Variants in DGKB observed in about 807,000 individuals in gnomAD.
DGKB encodes the protein 90 kDa diacylglycerol kinase.
Under a neutral mutation model 114.3 loss-of-function variants are expected in DGKB, and 67 were observed. The observed-to-expected ratio is 0.59, with a 90% confidence interval of 0.48 to 0.72. DGKB has a LOEUF of 0.72. Among genes scored for constraint, DGKB ranks in the 30% least tolerant of loss-of-function variants. DGKB has a pLI of 0.00. For synonymous variants in DGKB, 398 were observed against 323.1 expected, an observed-to-expected ratio of 1.23 and a Z score of -2.49; for missense variants, 907 against 975.2, an observed-to-expected ratio of 0.93 and a Z score of 0.93.
intron 19 of DGKB, among the ~76,000 whole-genome samples, chr7:14,575,652 C>A (rs1162136351): frequency 6.6e-6 from 1 of 152,060 alleles, no homozygotes; most frequent in Non-Finnish European, 1.5e-5. Context: ...ATGATGATAC[C>A]ATCAGAATTT....
At chr7:14,680,086 G>T (rs1455237832) in intron 12 of DGKB, among the ~76,000 whole-genome samples, 4 of 151,850 alleles carry the variant, frequency 2.6e-5, no homozygotes, top group African/African-American at 7.3e-5. Context: ...TAAGGCTGAG[G>T]ATGGATAAAA....
At chr7:14,593,725 C>A (rs1490894005) in intron 17 of DGKB, among the ~76,000 whole-genome samples, 2 of 151,580 alleles carry the variant, frequency 1.3e-5, no homozygotes, top group African/African-American at 4.8e-5. Flanking sequence ...TTAGACTGAG[C>A]TTCTGCACTA....
intron 20 of DGKB, among the ~76,000 whole-genome samples, chr7:14,516,513 C>T (rs1788818475): frequency 6.6e-6 from 1 of 152,170 alleles, no homozygotes; most frequent in Non-Finnish European, 1.5e-5. Flanking sequence ...GGTTCAGAGG[C>T]ACACTGAAGA....
At chr7:14,268,586 CA>C (rs1451244131) in intron 23 of DGKB, among the ~76,000 whole-genome samples, 1 of 152,024 alleles carries the variant, frequency 6.6e-6, no homozygotes, top group Non-Finnish European at 1.5e-5. Flanking sequence ...GAGATTAGTG[CA>C]ATTTAAGAAA....
chr7:14,728,470 T>C (rs1197979266), intron 5 of DGKB, among the ~76,000 whole-genome samples: 1 of 152,098 alleles, frequency 6.6e-6, no homozygotes, highest in Admixed American at 6.6e-5. Context: ...CTCTCAGTGC[T>C]CCTAACAAGT....
intron 17 of DGKB, among the ~76,000 whole-genome samples, chr7:14,599,439 T>C (rs1563638776): frequency 6.6e-6 from 1 of 152,174 alleles, no homozygotes; most frequent in Non-Finnish European, 1.5e-5. Context: ...TATTTTCCAA[T>C]CATTATGCTT....
At chr7:14,842,579 A>T (rs887980334) in intron 1 of DGKB, among the ~76,000 whole-genome samples, 1 of 152,190 alleles carries the variant, frequency 6.6e-6, no homozygotes. Flanking sequence ...TGCAATGACA[A>T]TTGTGGACAT....
At chr7:14,503,127 G>A (rs186048318) in intron 20 of DGKB, among the ~76,000 whole-genome samples, 201 of 152,028 alleles carry the variant, frequency 1.3e-3, no homozygotes, top group Middle Eastern at 3.4e-3. Flanking sequence ...ACCATTTTTT[G>A]TTGCTCAATT....
chr7:14,259,325 CAATT>C (rs66549520), intron 23 of DGKB, among the ~76,000 whole-genome samples: 81,322 of 151,332 alleles, frequency 0.54, 23,908 homozygotes, highest in East Asian at 0.99. Flanking sequence ...AAGTTAACCT[CAATT>C]AAATCTTTCG....
intron 23 of DGKB, among the ~76,000 whole-genome samples, chr7:14,291,913 G>A (rs1441716379): frequency 1.3e-5 from 2 of 152,086 alleles, no homozygotes; most frequent in South Asian, 4.1e-4. Flanking sequence ...GAAGCAGGAG[G>A]TAATATCAGG....
chr7:14,753,690 G>C (rs1834443842), intron 4 of DGKB, among the ~76,000 whole-genome samples: 1 of 152,080 alleles, frequency 6.6e-6, no homozygotes, highest in Non-Finnish European at 1.5e-5. Context: ...GGCCACACTT[G>C]AGACCCTTTT....
At chr7:14,681,061 C>T (rs898008598) in intron 12 of DGKB, among the ~76,000 whole-genome samples, 2 of 151,394 alleles carry the variant, frequency 1.3e-5, no homozygotes, top group Non-Finnish European at 3.0e-5. Context: ...TAAGAGGAAG[C>T]TCCCTGCAAG....
intron 23 of DGKB, among the ~76,000 whole-genome samples, chr7:14,312,419 A>C (rs746339150): frequency 4.6e-5 from 7 of 152,226 alleles, no homozygotes; most frequent in Non-Finnish European, 8.8e-5. Context: ...TTAGCATGAA[A>C]CAAGTAGCAC....
chr7:14,683,948 TATC>T (rs1455391423), intron 10 of DGKB, among the ~76,000 whole-genome samples: 1 of 152,156 alleles, frequency 6.6e-6, no homozygotes, highest in Non-Finnish European at 1.5e-5. Flanking sequence ...ATTTGAGACT[TATC>T]ATTTTGTTTT....
In DGKB at chr7:14,647,420, C is replaced by A. The variant is rs532448416; in HGVS notation, c.1135-17152G>T. On this transcript the variant is annotated intron_variant, in intron 13 of 25. Coordinates refer to ENST00000402815, the MANE Select transcript of DGKB (RefSeq NM_001350709.2). ...ACCAAACTTTTAAAGACAAACGAAACCAATTATTTTTAAATTACTCCAAAA... is the reference window on the plus strand; with the variant it reads ...ACCAAACTTTTAAAGACAAACGAAAACAATTATTTTTAAATTACTCCAAAA... Among the ~76,000 whole-genome samples the A allele has an allele frequency of 5.3e-5, 8 of 152,192 alleles. No individual in the cohort carries two copies. In the South Asian group the frequency reaches 1.7e-3, roughly 32 times the overall value.
chr7:14,838,227 T>C (rs1203183047), intron 2 of DGKB, among the ~76,000 whole-genome samples: 1 of 152,184 alleles, frequency 6.6e-6, no homozygotes, highest in Admixed American at 6.5e-5. Context: ...TAGCAGCCTA[T>C]AATACACTGA....
rs1435730411 is a variant in DGKB at position 14,834,210 on chromosome 7, T to C, written c.70+6984A>G. On this transcript the variant is annotated intron_variant, in intron 2 of 25. Transcript: ENST00000402815. ...TTGTTATAAATTGTTATAATAATAT[T>C]ACTAACAAAAATAAGAGCTATCATT... Among the ~76,000 whole-genome samples, 5 of 152,182 alleles carry C rather than the reference T, an allele frequency of 3.3e-5. No homozygotes were observed. In the East Asian group the frequency reaches 9.6e-4, roughly 29 times the overall value.
intron 1 of DGKB, among the ~76,000 whole-genome samples, chr7:14,947,551 T>C (rs1275362529): frequency 6.6e-6 from 1 of 151,366 alleles, no homozygotes; most frequent in Non-Finnish European, 1.5e-5. Flanking sequence ...TACAATAGGA[T>C]ATATTAAATG....
At chr7:14,650,990 C>T (rs942569340) in intron 13 of DGKB, among the ~76,000 whole-genome samples, 49 of 151,694 alleles carry the variant, frequency 3.2e-4, no homozygotes, top group Non-Finnish European at 6.2e-4. Context: ...GGAGCTGAAA[C>T]TGTGGCAATA....
Sources: gnomAD v4.1 joint callset for allele counts (sites outside exome capture counted in the v4.1 genomes callset) on GRCh38, gnomAD v4.1.1 for gene constraint, MANE v1.5 for transcripts, NCBI Gene and HGNC (gene_info 2026-07-23, HGNC 2026-07-21) for gene names.